The following EPS15L1 variants were observed in gnomAD, a reference collection of about 807,000 sequenced individuals.
The protein encoded by EPS15L1 is epidermal growth factor receptor pathway substrate 15 like 1, also known as epidermal growth factor receptor substrate 15-like 1.
Under a neutral mutation model 117.1 loss-of-function variants are expected in EPS15L1, and 43 were observed. The ratio of observed to expected loss-of-function variants is 0.37; its 90% CI spans 0.29 to 0.47. The LOEUF is 0.47. EPS15L1 is among the 20% of genes least tolerant of loss of function. The pLI is 0.99. For missense variants in EPS15L1, 981 were observed against 1,164.0 expected, an observed-to-expected ratio of 0.84 and a Z score of 2.29; for synonymous variants, 459 against 470.5, an observed-to-expected ratio of 0.98 and a Z score of 0.32.
chr19:16,464,837 A>G (rs969374151), intron 1 of EPS15L1, among the ~76,000 whole-genome samples: 1 of 152,180 alleles, frequency 6.6e-6, no homozygotes, highest in African/African-American at 2.4e-5. Context: ...TAATCCCAGC[A>G]CTTTGGGAGG....
chr19:16,413,029 T>C, intron 13 of EPS15L1: 1 of 738,640 alleles, frequency 1.4e-6, no homozygotes, highest in Non-Finnish European at 2.4e-6. Flanking sequence ...ATTATGCCAG[T>C]GCAGAAACAG....
chr19:16,385,571 G>A (rs1489097199), intron 20 of EPS15L1, among the ~76,000 whole-genome samples: 2 of 152,198 alleles, frequency 1.3e-5, no homozygotes, highest in African/African-American at 2.4e-5. Flanking sequence ...ACAGGGTGGT[G>A]TCTTTGGATA....
chr19:16,426,828 G>A (rs1335705397), intron 8 of EPS15L1, among the ~76,000 whole-genome samples: 1 of 152,156 alleles, frequency 6.6e-6, no homozygotes, highest in African/African-American at 2.4e-5. Context: ...AATATCCTGG[G>A]ATTAGATAAT....
intron 1 of EPS15L1, among the ~76,000 whole-genome samples, chr19:16,456,153 T>C (rs1442332934): frequency 1.3e-5 from 2 of 151,784 alleles, no homozygotes; most frequent in South Asian, 2.1e-4. Context: ...CGAGCCGAGG[T>C]TGTGCCATTG....
intron 1 of EPS15L1, among the ~76,000 whole-genome samples, chr19:16,462,092 A>G (rs1054463263): frequency 6.6e-6 from 1 of 152,190 alleles, no homozygotes; most frequent in Admixed American, 6.5e-5. Flanking sequence ...TTTGGAGCCC[A>G]TGGTCTGATT....
At chr19:16,413,670 C>T (rs565136849) in intron 13 of EPS15L1, 103 bp downstream of exon 13, 56 of 961,394 alleles carry the variant, frequency 5.8e-5, no homozygotes, top group Non-Finnish European at 9.2e-5. Flanking sequence ...TGTTTCCATC[C>T]AGGGCAGACC....
intron 23 of EPS15L1, among the ~76,000 whole-genome samples, chr19:16,359,895 A>T (rs2092029465): frequency 1.3e-5 from 2 of 151,566 alleles, no homozygotes; most frequent in East Asian, 3.9e-4. Flanking sequence ...TAGGGAAAAA[A>T]AAAAAAAAAA....
Position 16,361,961 on chromosome 19 carries a change from G to T in EPS15L1, c.2404C>A (p.Leu802Ile). The T allele has an allele frequency of 2.5e-6, 4 of 1,612,454 alleles. No homozygotes were observed. Among genetic ancestry groups the T allele is most frequent in the Non-Finnish European group, 3.4e-6 (4 of 1,179,288 alleles). The change falls in exon 23 of 24, where the codon CTT becomes ATT. Residue 802 changes from leucine to isoleucine, a missense_variant. Leu to Ile is a conservative substitution (Grantham distance 5). Transcript: ENST00000455140. ...PSGKSTPVSQ[L>I]GSADFPEAPD... ...GCCTCGGGAAAGTCTGCGGAACCAA[G>T]CTGGCTTACAGGTGTACTTTTACCT...
At chr19:16,416,982 A>G (rs1329561947) in intron 12 of EPS15L1, among the ~76,000 whole-genome samples, 2 of 152,230 alleles carry the variant, frequency 1.3e-5, no homozygotes, top group East Asian at 3.8e-4. Flanking sequence ...AGGCCCCTTC[A>G]CACCTTCAGC....
intron 12 of EPS15L1, among the ~76,000 whole-genome samples, chr19:16,417,281 G>A (rs1358973411): frequency 6.6e-6 from 1 of 151,938 alleles, no homozygotes; most frequent in Non-Finnish European, 1.5e-5. Flanking sequence ...GACCTGCCTG[G>A]GACCACACAG....
In EPS15L1 at chr19:16,428,385, A is replaced by AAAAG. The variant is rs1190848592; in HGVS notation, c.558+313_558+316dup. Among the ~76,000 whole-genome samples, 67 of 148,736 alleles carry AAAAG rather than the reference A, an allele frequency of 4.5e-4. 1 individual carries two copies. Among genetic ancestry groups the AAAAG allele is most frequent in the African/African-American group, 1.2e-3 (47 of 40,166 alleles). On this transcript the variant is annotated intron_variant, in intron 8 of 23. Transcript: ENST00000455140. Reference sequence around the variant, plus strand: ...GAGACTCCATCTAAAAACAAAAAAAAAAAGAAAGAAAGAAAGAAAAGGGAG... The same window carrying AAAAG: ...GAGACTCCATCTAAAAACAAAAAAAAAAAGAAAGAAAGAAAGAAAGAAAAGGGAG...
chr19:16,442,210 C>T lies in EPS15L1; in HGVS notation c.43G>A (p.Gly15Arg), dbSNP rs752028674. 1.4e-5 allele frequency: 23 copies of T among 1,613,528 alleles called. No individual in the cohort carries two copies. The highest frequency in any genetic ancestry group is 1.9e-5 in the Non-Finnish European group (22 of 1,179,590). ...LIPLSQQIPTGNSLYESYYKQ... is the reference protein window; with the variant it reads ...LIPLSQQIPTRNSLYESYYKQ... Reference sequence around the variant, plus strand: ...TAATAAGATTCATACAACGAATTTCCAGTGGGAATCTGTAAATGAAACCAC... The same window carrying T: ...TAATAAGATTCATACAACGAATTTCTAGTGGGAATCTGTAAATGAAACCAC... Residue 15 changes from glycine to arginine, a missense_variant, in exon 2 of 24, where the codon GGA (glycine) becomes AGA (arginine). This residue lies in a region of EPS15L1 where 37 missense variants were observed against 21.2 expected (regional missense o/e 1.75). Transcript: ENST00000455140.
At chr19:16,440,986 C>T in intron 3 of EPS15L1, 77 bp from the exon 4 acceptor site, 3 of 1,389,182 alleles carry the variant, frequency 2.2e-6, no homozygotes, top group Non-Finnish European at 3.1e-6. Flanking sequence ...GAGCCGCCAC[C>T]ACCCCATCAC....
chr19:16,384,591 G>A (rs889075687), intron 21 of EPS15L1, among the ~76,000 whole-genome samples: 2 of 152,124 alleles, frequency 1.3e-5, no homozygotes, highest in South Asian at 2.1e-4. Context: ...GGTGAGGGCC[G>A]GACACCAACG....
At chr19:16,392,225 A>T (rs2092483756) in intron 19 of EPS15L1, 79 bp downstream of exon 19, 6 of 1,532,672 alleles carry the variant, frequency 3.9e-6, no homozygotes, top group Non-Finnish European at 5.4e-6. Flanking sequence ...CACGAAGGGA[A>T]GGGGGCCTTC....
Position 16,425,080 on chromosome 19 carries a change from T to C in EPS15L1, c.792+3A>G, listed in dbSNP as rs751333503. The C allele has an allele frequency of 6.2e-7, 1 of 1,613,244 alleles. No individual in the cohort carries two copies. The highest frequency in any genetic ancestry group is 8.5e-7 in the Non-Finnish European group (1 of 1,179,136). On this transcript the variant is annotated splice_donor_region_variant and intron_variant, in intron 9 of 23. Transcript: ENST00000455140. ...GGGGCTGTGCCCGCTGAGGGCTCCGTACCTGTGTTTGCTTGAGGCTGTGCT... is the reference window on the plus strand; with the variant it reads ...GGGGCTGTGCCCGCTGAGGGCTCCGCACCTGTGTTTGCTTGAGGCTGTGCT...
intron 1 of EPS15L1, among the ~76,000 whole-genome samples, chr19:16,465,793 T>G (rs150998989): frequency 2.6e-5 from 4 of 151,998 alleles, no homozygotes; most frequent in Non-Finnish European, 4.4e-5. Flanking sequence ...ATCTAATAAC[T>G]AGGTATAAAA....
At chr19:16,447,424 G>A (rs2093094761) in intron 1 of EPS15L1, among the ~76,000 whole-genome samples, 1 of 152,164 alleles carries the variant, frequency 6.6e-6, no homozygotes, top group East Asian at 1.9e-4. Flanking sequence ...AAGAAGAGAT[G>A]CAGCAAAGTT....
intron 22 of EPS15L1, among the ~76,000 whole-genome samples, chr19:16,362,277 C>T (rs1449896174): frequency 6.6e-6 from 1 of 151,438 alleles, no homozygotes; most frequent in Non-Finnish European, 1.5e-5. Flanking sequence ...CATGCAGGTA[C>T]GTTTCAAACA....
Sources: allele counts gnomAD v4.1 joint callset (sites outside exome capture counted in the v4.1 genomes callset), GRCh38; gene constraint gnomAD v4.1.1; regional missense constraint gnomAD v4.1.1; transcripts MANE v1.5; gene names NCBI Gene and HGNC (gene_info 2026-07-23, HGNC 2026-07-21).